The following ADGRL2 variants were observed in gnomAD, a reference collection of about 807,000 sequenced individuals.
ADGRL2 encodes calcium-independent alpha-latrotoxin receptor 2.
In ADGRL2, 44 loss-of-function variants were observed where a neutral mutation model predicts 157.4. The ratio of observed to expected loss-of-function variants is 0.28; its 90% confidence interval spans 0.22 to 0.36. The LOEUF is 0.36. ADGRL2 is among the 10% of genes least tolerant of loss of function. The pLI is 1.00. For missense variants in ADGRL2, 1,510 were observed against 1,768.9 expected (o/e 0.85, Z 2.63); for synonymous variants, 585 against 624.7 (o/e 0.94, Z 0.95).
intron 1 of ADGRL2, among the ~76,000 whole-genome samples, chr1:81,707,402 T>A (rs2083772206): frequency 6.6e-6 from 1 of 152,076 alleles, no homozygotes; most frequent in African/African-American, 2.4e-5. Flanking sequence ...ATGTGAAAAT[T>A]TCTTGTTTTG....
intron 1 of ADGRL2, among the ~76,000 whole-genome samples, chr1:81,343,142 G>A (rs553095938): frequency 1.5e-5 from 2 of 133,340 alleles, no homozygotes; most frequent in South Asian, 2.3e-4. Flanking sequence ...AGGCTGGAGT[G>A]CAGTGGTCCA....
intron 2 of ADGRL2, among the ~76,000 whole-genome samples, chr1:81,787,594 G>A (rs2149403489): frequency 6.6e-6 from 1 of 152,282 alleles, no homozygotes; most frequent in East Asian, 1.9e-4. Flanking sequence ...GGCGGAGGTT[G>A]CAGTGAGCTG....
At chr1:81,974,526 C>G (rs1659625269) in intron 17 of ADGRL2, among the ~76,000 whole-genome samples, 1 of 152,176 alleles carries the variant, frequency 6.6e-6, no homozygotes, top group Non-Finnish European at 1.5e-5. Flanking sequence ...TCTGGAGATA[C>G]AAGTATAGCT....
intron 3 of ADGRL2, among the ~76,000 whole-genome samples, chr1:81,598,500 T>C (rs2081279220): frequency 6.6e-6 from 1 of 152,200 alleles, no homozygotes; most frequent in African/African-American, 2.4e-5. Flanking sequence ...TGCAAAGAAA[T>C]ATCAATATAT....
rs1000663220 is a variant in ADGRL2, at chr1:81,488,064, G to A, written c.-248+42975G>A. ...TGCATGCTACCCCTGCCCCCCGCCC[G>A]ACTCTGGCTGAAGTGACTTCTAGAG... On this transcript the variant is annotated intron_variant, in intron 2 of 24. Transcript: ENST00000370721. Among the ~76,000 whole-genome samples, 94 of 151,790 alleles carry A rather than the reference G, an allele frequency of 6.2e-4. 2 individuals carry two copies. The highest frequency in any genetic ancestry group is 1.8e-3 in the African/African-American group (75 of 41,384).
At chr1:81,634,829 G>A (rs977589663) in intron 3 of ADGRL2, among the ~76,000 whole-genome samples, 1 of 152,018 alleles carries the variant, frequency 6.6e-6, no homozygotes, top group Non-Finnish European at 1.5e-5. Flanking sequence ...GCCTATGTTA[G>A]CTTTCAGTTA....
chr1:81,910,730 CT>C (rs200473308), intron 3 of ADGRL2, among the ~76,000 whole-genome samples: 1 of 141,898 alleles, frequency 7.0e-6, no homozygotes, highest in African/African-American at 2.5e-5. Flanking sequence ...ATAACTTGTC[CT>C]TTTTTAAAAA....
chr1:81,353,631 T>C (rs918942139), intron 1 of ADGRL2, among the ~76,000 whole-genome samples: 1 of 151,938 alleles, frequency 6.6e-6, no homozygotes, highest in Non-Finnish European at 1.5e-5. Flanking sequence ...TGTAGAAAGG[T>C]GAAGAAGAGA....
At chr1:81,932,365 C>T (rs150188426) in intron 3 of ADGRL2, among the ~76,000 whole-genome samples, 2,504 of 152,208 alleles carry the variant, frequency 0.016, 45 homozygotes, top group South Asian at 0.06. Context: ...ATTAGAGCAA[C>T]TAAAACTCTT....
chr1:81,951,510 T>G (rs182484633), intron 8 of ADGRL2, among the ~76,000 whole-genome samples: 1 of 152,096 alleles, frequency 6.6e-6, no homozygotes, highest in African/African-American at 2.4e-5. Flanking sequence ...TTAAAAGGCA[T>G]TAGTAACTTT....
chr1:81,945,364 AGTT>A lies in ADGRL2; in HGVS notation c.1210+1599_1210+1601del, dbSNP rs544845071. Among the ~76,000 whole-genome samples, 150 of 152,204 alleles carry A rather than the reference AGTT, an allele frequency of 9.9e-4. 1 individual carries two copies. The highest frequency in any genetic ancestry group is 3.4e-3 in the Middle Eastern group (1 of 294). ...TTTTTGTAGCCTGTATTAGTCTCAC[AGTT>A]GTTAGATTTGTCTTGGGTAGCAGTA... On this transcript the variant is annotated intron_variant, in intron 6 of 23. Coordinates refer to ENST00000686636, the MANE Select transcript of ADGRL2 (RefSeq NM_001366006.2).
intron 3 of ADGRL2, among the ~76,000 whole-genome samples, chr1:81,675,685 G>A (rs2082972272): frequency 6.6e-6 from 1 of 151,708 alleles, no homozygotes; most frequent in Admixed American, 6.6e-5. Context: ...CAGCTCAAGG[G>A]ATTCTCCTGC....
chr1:81,766,437 G>C (rs942103461), intron 2 of ADGRL2, among the ~76,000 whole-genome samples: 1 of 152,068 alleles, frequency 6.6e-6, no homozygotes, highest in East Asian at 1.9e-4. Flanking sequence ...TTTTTGATGT[G>C]TTATTGAATT....
intron 19 of ADGRL2, among the ~76,000 whole-genome samples, chr1:81,982,920 C>T (rs1400639131): frequency 1.3e-5 from 2 of 151,942 alleles, no homozygotes; most frequent in African/African-American, 4.8e-5. Context: ...TAGCAGTTAA[C>T]ACCCATTAAA....
chr1:81,819,178 G>C (rs1376630082), intron 1 of ADGRL2, among the ~76,000 whole-genome samples: 1 of 152,136 alleles, frequency 6.6e-6, no homozygotes, highest in Non-Finnish European at 1.5e-5. Flanking sequence ...AATTAGAAGG[G>C]GTGGACGACA....
At chr1:81,351,719 A>T (rs1662904093) in intron 1 of ADGRL2, among the ~76,000 whole-genome samples, 1 of 152,218 alleles carries the variant, frequency 6.6e-6, no homozygotes, top group African/African-American at 2.4e-5. Flanking sequence ...TTCAAATTAA[A>T]TAATGTTTTT....
chr1:81,895,393 CTTTTTTTTTT>C (rs34557038), intron 2 of ADGRL2, among the ~76,000 whole-genome samples: 1 of 97,572 alleles, frequency 1.0e-5, no homozygotes, highest in Non-Finnish European at 1.9e-5. Flanking sequence ...TTAAATGTAT[CTTTTTTTTTT>C]TTTTTTTTTT....
chr1:81,538,326 A>C (rs963684255), intron 2 of ADGRL2, among the ~76,000 whole-genome samples: 1 of 152,106 alleles, frequency 6.6e-6, no homozygotes, highest in Non-Finnish European at 1.5e-5. Context: ...TTAGAGACAC[A>C]GCCTCCCTCT....
intron 1 of ADGRL2, among the ~76,000 whole-genome samples, chr1:81,818,751 C>T (rs989415923): frequency 2.0e-5 from 3 of 151,956 alleles, no homozygotes; most frequent in African/African-American, 7.3e-5. Flanking sequence ...AGTCATACTA[C>T]GATATCATGC....
Sources: gnomAD v4.1 joint callset for allele counts (sites outside exome capture counted in the v4.1 genomes callset) on GRCh38, gnomAD v4.1.1 for gene constraint, MANE v1.5 for transcripts, NCBI Gene and HGNC (gene_info 2026-07-23, HGNC 2026-07-21) for gene names.